The following NAV1 variants were observed in gnomAD, a reference collection of about 807,000 sequenced individuals.
NAV1 encodes pore membrane and/or filament interacting like protein 3.
A neutral mutation model predicts 175.2 loss-of-function variants in NAV1; 18 were observed. The observed-to-expected ratio is 0.10, with a 90% CI of 0.07 to 0.15. The LOEUF is 0.15. NAV1 is among the 10% of genes least tolerant of loss of function. The pLI is 1.00. For missense variants in NAV1, 1,731 were observed against 2,436.6 expected (o/e 0.71, Z 6.10); for synonymous variants, 897 against 978.7 (o/e 0.92, Z 1.56).
At chr1:201,753,604 A>G (rs114891919) in intron 3 of NAV1, among the ~76,000 whole-genome samples, 2,476 of 152,318 alleles carry the variant, frequency 0.016, 49 homozygotes, top group African/African-American at 0.056. Context: ...GTGTGTTTTC[A>G]TTGGCTAGGA....
intron 3 of NAV1, among the ~76,000 whole-genome samples, chr1:201,752,963 T>C (rs571128634): frequency 6.6e-6 from 1 of 152,248 alleles, no homozygotes; most frequent in South Asian, 2.1e-4. Context: ...TGCACTGTTA[T>C]TGGAAATCTT....
intron 1 of NAV1, among the ~76,000 whole-genome samples, chr1:201,555,438 C>G (rs1445962669): frequency 1.3e-5 from 2 of 152,270 alleles, no homozygotes; most frequent in Admixed American, 6.5e-5. Context: ...CCCACAACTC[C>G]TTGACTCTGA....
intron 1 of NAV1, among the ~76,000 whole-genome samples, chr1:201,655,644 T>G (rs77299560): frequency 0.019 from 2,819 of 152,318 alleles, 83 homozygotes; most frequent in African/African-American, 0.064. Context: ...GGTCTTTGCT[T>G]CCTTCTGACC....
At chr1:201,775,813 T>C (rs1285178678) in intron 3 of NAV1, among the ~76,000 whole-genome samples, 1 of 152,170 alleles carries the variant, frequency 6.6e-6, no homozygotes, top group African/African-American at 2.4e-5. Flanking sequence ...ATCCCAGCAC[T>C]TTGGGAGGCT....
chr1:201,767,539 T>TTAATATG (rs1253145115), intron 3 of NAV1, among the ~76,000 whole-genome samples: 1 of 152,220 alleles, frequency 6.6e-6, no homozygotes, highest in African/African-American at 2.4e-5. Context: ...AAATATTATT[T>TTAATATG]TAATATGTAA....
intron 7 of NAV1, among the ~76,000 whole-genome samples, chr1:201,784,842 CT>C (rs1163113499): frequency 1.3e-5 from 2 of 152,038 alleles, no homozygotes; most frequent in Non-Finnish European, 2.9e-5. Context: ...TCTTGGCTCA[CT>C]TGCAAGTTCC....
At chr1:201,630,104 AAATG>A (rs1178916962) in intron 2 of NAV1, among the ~76,000 whole-genome samples, 1 of 152,228 alleles carries the variant, frequency 6.6e-6, no homozygotes, top group Non-Finnish European at 1.5e-5. Flanking sequence ...GTCTCTGAAT[AAATG>A]AATGATGCAT....
chr1:201,806,001 T>TC (rs937766861), intron 17 of NAV1, among the ~76,000 whole-genome samples: 1 of 151,620 alleles, frequency 6.6e-6, no homozygotes, highest in African/African-American at 2.4e-5. Context: ...TTTTTTTTTT[T>TC]TGAGGTAGAG....
At chr1:201,649,082 G>A in exon 1 of NAV1, 1 of 1,613,232 alleles carries the variant, frequency 6.2e-7, no homozygotes, top group Non-Finnish European at 8.5e-7. Flanking sequence ...TGTCCAAGAC[G>A]CTGTCCAAGT....
chr1:201,753,411 G>C (rs1674254087), intron 3 of NAV1, among the ~76,000 whole-genome samples: 1 of 152,182 alleles, frequency 6.6e-6, no homozygotes, highest in African/African-American at 2.4e-5. Flanking sequence ...CTGTATGATA[G>C]GAAAATTTGG....
At position 201,810,849 on chromosome 1, in the gene NAV1, C is replaced by G. The variant is rs1678650155; in HGVS notation, c.4797+91C>G. 1 of 895,072 alleles carries G rather than the reference C, an allele frequency of 1.1e-6. No homozygotes were observed. The highest frequency in any genetic ancestry group is 1.8e-6 in the Non-Finnish European group (1 of 570,812). The allele number at this position is 895,072 out of a possible 1,614,324, so 55.4% of individuals were successfully genotyped here. A position where few individuals can be genotyped will look rare whatever the true frequency, so the allele number is the denominator to read the frequency against. ...CGGCCCCTTCCTGCCTCATTGTTCC[C>G]TTTTCCTCACCTCTGCCTTCATCTT... On this transcript the variant is annotated intron_variant, in intron 24 of 29. Transcript: ENST00000367296. The surrounding 1 kb of genome is among the most constrained non-coding windows in gnomAD (Gnocchi z 6.0).
intron 3 of NAV1, among the ~76,000 whole-genome samples, chr1:201,729,096 C>G (rs532853642): frequency 6.6e-6 from 1 of 152,330 alleles, no homozygotes; most frequent in South Asian, 2.1e-4. Context: ...GCCCACCTGT[C>G]TACCTGTCCA....
intron 2 of NAV1, among the ~76,000 whole-genome samples, chr1:201,604,896 T>C (rs1667632904): frequency 6.6e-6 from 1 of 152,122 alleles, no homozygotes; most frequent in South Asian, 2.1e-4. Context: ...TTTTTGACAC[T>C]AAAGCCCACG....
intron 3 of NAV1, among the ~76,000 whole-genome samples, chr1:201,759,962 A>C (rs768675432): frequency 6.6e-6 from 1 of 152,208 alleles, no homozygotes; most frequent in Non-Finnish European, 1.5e-5. Context: ...CTTTGTGGAC[A>C]AGTAAAAAGA....
intron 2 of NAV1, among the ~76,000 whole-genome samples, chr1:201,616,023 T>A (rs1029319710): frequency 6.7e-6 from 1 of 149,184 alleles, no homozygotes. Flanking sequence ...TTTTTGTCTC[T>A]GTGATCATAA....
chr1:201,585,587 G>A (rs55916629), intron 1 of NAV1, among the ~76,000 whole-genome samples: 1 of 151,796 alleles, frequency 6.6e-6, no homozygotes, highest in Non-Finnish European at 1.5e-5. Context: ...CTAGTATGTG[G>A]AAAATATAAA....
At chr1:201,646,161 T>C (rs1362587696), upstream of NAV1, among the ~76,000 whole-genome samples, 1 of 152,232 alleles carries the variant, frequency 6.6e-6, no homozygotes, top group African/African-American at 2.4e-5. Context: ...CTCTGTGCCT[T>C]GGCCAAGTTC....
intron 2 of NAV1, among the ~76,000 whole-genome samples, chr1:201,614,602 T>C (rs2102262000): frequency 6.6e-6 from 1 of 152,344 alleles, no homozygotes; most frequent in Non-Finnish European, 1.5e-5. Context: ...AACACTTCCT[T>C]GCTCTGGGGT....
chr1:201,764,806 A>G (rs1285563407), intron 3 of NAV1, among the ~76,000 whole-genome samples: 1 of 152,256 alleles, frequency 6.6e-6, no homozygotes, highest in Non-Finnish European at 1.5e-5. Context: ...GCACATGCAT[A>G]GAATTTTATG....
Sources: gnomAD v4.1 joint callset for allele counts (sites outside exome capture counted in the v4.1 genomes callset) on GRCh38, gnomAD v4.1.1 for gene constraint, Gnocchi (gnomAD v3.1) non-coding constraint, MANE v1.5 for transcripts, NCBI Gene and HGNC (gene_info 2026-07-23, HGNC 2026-07-21) for gene names.